VWA3B: variants seen among roughly 807,000 people sequenced by gnomAD.
The protein encoded by VWA3B is von Willebrand factor A domain-containing protein 3B.
Under a neutral mutation model 158.3 loss-of-function variants are expected in VWA3B, and 138 were observed. The ratio of observed to expected loss-of-function variants is 0.87; its 90% CI spans 0.76 to 1.00. VWA3B has a LOEUF of 1.00. Among genes scored for constraint, VWA3B ranks in the 50% least tolerant of loss-of-function variants. VWA3B has a pLI of 0.00. For missense variants in VWA3B, 1,555 were observed against 1,565.1 expected, an observed-to-expected ratio of 0.99 and a Z score of 0.11; for synonymous variants, 596 against 587.3, an observed-to-expected ratio of 1.01 and a Z score of -0.21.
chr2:98,324,769 G>A, the VWA3B span, among the ~76,000 whole-genome samples: 2 of 152,134 alleles, frequency 1.3e-5, no homozygotes, highest in African/African-American at 4.8e-5. Context: ...AGATGATCCA[G>A]CTGTTGGATT....
intron 23 of VWA3B, 45 bp from the exon 24 acceptor site, chr2:98,297,862 A>G (rs752983507): frequency 1.4e-6 from 2 of 1,446,952 alleles, no homozygotes; most frequent in South Asian, 3.1e-5. Context: ...AAGGGAAGGG[A>G]TGTTATTTGT....
chr2:98,109,963 G>T (rs1674014569), intron 2 of VWA3B, among the ~76,000 whole-genome samples: 1 of 151,588 alleles, frequency 6.6e-6, no homozygotes, highest in East Asian at 1.9e-4. Flanking sequence ...ATGTGCCTTG[G>T]TGTGAATTTA....
chr2:98,105,186 T>A (rs959307449), intron 2 of VWA3B, among the ~76,000 whole-genome samples: 1 of 152,240 alleles, frequency 6.6e-6, no homozygotes, highest in Non-Finnish European at 1.5e-5. Context: ...TGACAGCTTT[T>A]TTCAGTTTTC....
intron 6 of VWA3B, among the ~76,000 whole-genome samples, chr2:98,129,224 A>AGAGAGAGTGTGTGTGTGTGTGT (rs1370543551): frequency 4.0e-5 from 5 of 124,562 alleles, no homozygotes; most frequent in African/African-American, 1.3e-4. Flanking sequence ...AGAGAGAGAG[A>AGAGAGAGTGTGTGTGTGTGTGT]GTGTGTGTGT....
At chr2:98,204,886 G>A (rs1032110719) in intron 12 of VWA3B, among the ~76,000 whole-genome samples, 4 of 152,178 alleles carry the variant, frequency 2.6e-5, no homozygotes, top group Admixed American at 6.5e-5. Flanking sequence ...AAGGCAGGCA[G>A]GATCACCTGA....
At chr2:98,267,534 A>T (rs891634756) in intron 21 of VWA3B, among the ~76,000 whole-genome samples, 6 of 152,148 alleles carry the variant, frequency 3.9e-5, no homozygotes, top group African/African-American at 1.4e-4. Context: ...GGACGCATTC[A>T]TAGCAGTGTG....
At chr2:98,181,853 T>A (rs1279086816) in intron 9 of VWA3B, among the ~76,000 whole-genome samples, 1 of 152,110 alleles carries the variant, frequency 6.6e-6, no homozygotes, top group African/African-American at 2.4e-5. Flanking sequence ...GGCTCAAGAA[T>A]TTGCATCCAT....
intron 21 of VWA3B, among the ~76,000 whole-genome samples, chr2:98,260,084 G>A (rs1687387866): frequency 6.6e-6 from 1 of 151,534 alleles, no homozygotes; most frequent in African/African-American, 2.4e-5. Flanking sequence ...TTGTGGGTGG[G>A]AAATATACTT....
intron 6 of VWA3B, among the ~76,000 whole-genome samples, chr2:98,128,949 G>A (rs556867264): frequency 6.6e-6 from 1 of 152,234 alleles, no homozygotes; most frequent in African/African-American, 2.4e-5. Flanking sequence ...GGCTGAGCCG[G>A]TGCTTCCCTG....
At chr2:98,158,617 G>A (rs1678299442) in intron 7 of VWA3B, among the ~76,000 whole-genome samples, 2 of 152,168 alleles carry the variant, frequency 1.3e-5, no homozygotes, top group South Asian at 2.1e-4. Context: ...TGCGGCCCGA[G>A]CGTGTCCTGG....
intron 10 of VWA3B, among the ~76,000 whole-genome samples, 170 bp from the exon 11 acceptor site, chr2:98,192,728 G>A (rs1379302048): frequency 1.3e-5 from 2 of 152,178 alleles, no homozygotes; most frequent in African/African-American, 4.8e-5. Flanking sequence ...CAGCCCAAAT[G>A]TAGGATTTTC....
intron 12 of VWA3B, among the ~76,000 whole-genome samples, chr2:98,204,392 G>A (rs772201665): frequency 2.0e-5 from 3 of 152,174 alleles, no homozygotes; most frequent in Non-Finnish European, 4.4e-5. Flanking sequence ...TTAGCTGCAA[G>A]CTTTTTGTAC....
chr2:98,116,610 G>T (rs983512816), intron 3 of VWA3B, among the ~76,000 whole-genome samples: 1 of 152,130 alleles, frequency 6.6e-6, no homozygotes, highest in Non-Finnish European at 1.5e-5. Flanking sequence ...GGGTCCGAGC[G>T]ATCCTCCCAC....
chr2:98,297,435 T>G (rs755428979), intron 23 of VWA3B, among the ~76,000 whole-genome samples: 1 of 152,348 alleles, frequency 6.6e-6, no homozygotes, highest in African/African-American at 2.4e-5. Flanking sequence ...AAGCTGAGTA[T>G]GTTCAGTCTA....
intron 22 of VWA3B, among the ~76,000 whole-genome samples, chr2:98,289,117 G>A (rs973293528): frequency 2.6e-5 from 4 of 151,244 alleles, no homozygotes; most frequent in African/African-American, 9.7e-5. Flanking sequence ...AATGTTAATA[G>A]CATCAAGCAA....
intron 26 of VWA3B, among the ~76,000 whole-genome samples, chr2:98,305,585 C>A (rs58960654): frequency 2.8e-3 from 423 of 152,258 alleles, no homozygotes; most frequent in African/African-American, 9.6e-3. Context: ...AAATTCAGCA[C>A]ATCTAAAACT....
At position 98,129,269 on chromosome 2, in the gene VWA3B, GGAGGAGAGA is replaced by G. The variant is rs574179990; in HGVS notation, c.872+883_872+891del. Among the ~76,000 whole-genome samples the G allele has an allele frequency of 8.4e-3, 1,221 of 146,144 alleles. 8 individuals are homozygous for G. The highest frequency in any genetic ancestry group is 0.012 in the Non-Finnish European group (783 of 65,998). On this transcript the variant is annotated intron_variant, in intron 6 of 27. Coordinates refer to ENST00000477737, the MANE Select transcript of VWA3B (RefSeq NM_144992.5). ...TGTGTGTGTGTGTGTGGAGAGAGAG[GGAGGAGAGA>G]GAGGAGAGAGAGGAGAGAGAGAGGA...
chr2:98,153,908 C>G (rs1677842483), intron 7 of VWA3B, among the ~76,000 whole-genome samples: 1 of 152,204 alleles, frequency 6.6e-6, no homozygotes, highest in Admixed American at 6.5e-5. Context: ...GTCACCCAGG[C>G]TGGAGTGCAA....
Position 98,300,612 on chromosome 2 carries a change from A to G in VWA3B, c.3420+396A>G, listed in dbSNP as rs545141071. 8.0e-5 allele frequency among the ~76,000 whole-genome samples: 12 copies of G among 150,260 alleles called. No homozygotes were observed. In the East Asian group the frequency reaches 2.4e-3, roughly 29 times the overall value. ...CCCTGCTGGCCCTGCAGACTTGGTC[A>G]CCTCCTGGGCCACCGCTAGTGCTGT... is the stretch of plus-strand genomic sequence containing the variant. On this transcript the variant is annotated intron_variant, in intron 25 of 27. Transcript: ENST00000477737.
Sources: allele counts gnomAD v4.1 joint callset (sites outside exome capture counted in the v4.1 genomes callset), GRCh38; gene constraint gnomAD v4.1.1; transcripts MANE v1.5; gene names NCBI Gene and HGNC (gene_info 2026-07-23, HGNC 2026-07-21).